NWD1: variants seen among roughly 807,000 people sequenced by gnomAD.
NWD1 encodes the protein NACHT and WD repeat domain containing 1, also known as NACHT domain- and WD repeat-containing protein 1.
NWD1 carries 129 observed loss-of-function variants against 135.1 expected under a neutral mutation model. The observed-to-expected ratio is 0.96, with a 90% CI of 0.83 to 1.11. The LOEUF is 1.11. Ranked by LOEUF, NWD1 falls within the 50% of genes least tolerant of loss-of-function variation. NWD1 has a pLI of 0.00. For synonymous variants in NWD1, 773 were observed against 786.0 expected, an observed-to-expected ratio of 0.98 and a Z score of 0.28; for missense variants, 1,740 against 1,851.3, an observed-to-expected ratio of 0.94 and a Z score of 1.10.
intron 15 of NWD1, among the ~76,000 whole-genome samples, chr19:16,795,210 C>G (rs1390922690): frequency 6.6e-6 from 1 of 152,204 alleles, no homozygotes; most frequent in Non-Finnish European, 1.5e-5. Flanking sequence ...CCCATGGCCA[C>G]TGCCACGACT....
rs1174901294 is a variant in NWD1, at chr19:16,817,358, T to C, written c.*2319T>C. ...GCTCACGCCTGTAATCCCAGCACTTTGGGAGGCTGAGGCGGGTGGATCACT... is the reference window on the plus strand; with the variant it reads ...GCTCACGCCTGTAATCCCAGCACTTCGGGAGGCTGAGGCGGGTGGATCACT... On this transcript the variant is annotated 3_prime_UTR_variant, in exon 19 of 19. Transcript: ENST00000524140. 6.6e-6 allele frequency: 1 copy of C among 151,930 alleles called. No individual in the cohort carries two copies. The allele number at this position is 151,930 out of a possible 1,614,324, so 9.4% of individuals were successfully genotyped here. A position where few individuals can be genotyped will look rare whatever the true frequency, so the allele number is the denominator to read the frequency against.
Position 16,773,145 on chromosome 19 carries a change from A to G in NWD1, c.2430A>G (p.Thr810=). ...LRGMERSLLY[T]ELLARLHFFA... is the part of the protein sequence containing the mutation. ...TTGCAGAGAGGAGCCTCCTGTACAC[A>G]GAACTGCTGGCCAGACTCCATTTCT... is the stretch of plus-strand genomic sequence containing the variant. The change falls in exon 11 of 19, where the codon ACA becomes ACG. Residue 810 remains threonine, a synonymous_variant. Transcript: ENST00000524140. 2.5e-6 allele frequency: 4 copies of G among 1,613,944 alleles called. No individual in the cohort carries two copies. Among genetic ancestry groups the G allele is most frequent in the Non-Finnish European group, 3.4e-6 (4 of 1,180,016 alleles).
chr19:16,743,571 C>T (rs1433695340), intron 4 of NWD1, among the ~76,000 whole-genome samples: 1 of 152,126 alleles, frequency 6.6e-6, no homozygotes, highest in African/African-American at 2.4e-5. Context: ...GGGCGGTCAA[C>T]TTCACCTCCA....
At chr19:16,776,933 C>A (rs1462483861) in intron 11 of NWD1, among the ~76,000 whole-genome samples, 1 of 110,822 alleles carries the variant, frequency 9.0e-6, no homozygotes, top group Non-Finnish European at 1.7e-5. Flanking sequence ...TAGAGTGAGA[C>A]CCTATCTGAA....
intron 2 of NWD1, among the ~76,000 whole-genome samples, chr19:16,728,602 T>C (rs1967421043): frequency 6.6e-6 from 1 of 151,130 alleles, no homozygotes. Flanking sequence ...TCCATGTATA[T>C]GTGCTCTCAT....
chr19:16,797,602 C>T (rs1970459118), intron 15 of NWD1, 130 bp from the exon 16 acceptor site: 3 of 782,490 alleles, frequency 3.8e-6, no homozygotes, highest in South Asian at 3.5e-5. Context: ...CCCGCCTTGG[C>T]GTCCCAAAGT....
rs747198769 is a variant in NWD1 at position 16,800,125 on chromosome 19, G to GGA, written c.3700_3701dup (p.Asp1234GlufsTer52). On this transcript the variant is annotated frameshift_variant, in exon 17 of 19. Transcript: ENST00000524140. LOFTEE classifies it high-confidence loss of function. The stretch of plus-strand genomic sequence containing the variant: ...GCTACGTCTACTTCCCCAAAATTGG[G>GGA]GACAAAAACAAAGTCACTATTTGGG... The GGA allele has an allele frequency of 1.9e-5, 30 of 1,613,372 alleles. No homozygotes were observed. The highest frequency in any genetic ancestry group is 5.5e-5 in the South Asian group (5 of 91,048).
At chr19:16,741,709 A>T (rs1599445520) in intron 4 of NWD1, among the ~76,000 whole-genome samples, 1 of 148,110 alleles carries the variant, frequency 6.8e-6, no homozygotes, top group Admixed American at 6.8e-5. Context: ...AATTTCCCTG[A>T]CTCCCCAGGC....
intron 6 of NWD1, among the ~76,000 whole-genome samples, chr19:16,750,920 C>A (rs1395231308): frequency 2.0e-5 from 3 of 152,146 alleles, no homozygotes; most frequent in Non-Finnish European, 4.4e-5. Flanking sequence ...AGTCTCGGAG[C>A]TATAAATTGC....
chr19:16,800,021 CTCAGCGATGCTCATAGG>C lies in NWD1; in HGVS notation c.3598_3614del (p.Ser1200ProfsTer52). The stretch of plus-strand genomic sequence containing the variant: ...GTCCTCATCTTTCAAGGTCTGGGAT[CTCAGCGATGCTCATAGG>C]TCCCGGGTGCCTGCACCATTTCTGG... On this transcript the variant is annotated frameshift_variant, in exon 17 of 19. Transcript: ENST00000524140. LOFTEE classifies it high-confidence loss of function. 6.2e-7 allele frequency: 1 copy of C among 1,614,236 alleles called. No individual in the cohort carries two copies. Among genetic ancestry groups the C allele is most frequent in the Non-Finnish European group, 8.5e-7 (1 of 1,180,038 alleles).
intron 1 of NWD1, chr19:16,721,622 G>A (rs1297312020): frequency 6.6e-6 from 1 of 150,614 alleles, no homozygotes; most frequent in Non-Finnish European, 1.5e-5. Context: ...ATCCAGGTGA[G>A]TTGTGGGAAG....
Position 16,767,982 on chromosome 19 carries a change from C to CTTTTTT in NWD1, c.2410+2810_2410+2815dup, listed in dbSNP as rs963453075. ...TGTAGCATATGTCAGAATTTCCTTC[C>CTTTTTT]TTTTTTTTTTTTTTTTTTTTTTTTT... On this transcript the variant is annotated intron_variant, in intron 10 of 18. Transcript: ENST00000524140. Among the ~76,000 whole-genome samples, 20 of 83,600 alleles carry CTTTTTT rather than the reference C, an allele frequency of 2.4e-4. 1 individual carries two copies. The highest frequency in any genetic ancestry group is 2.9e-4 in the Non-Finnish European group (13 of 45,090). 54.8% of individuals were successfully genotyped at this position (83,600 alleles called of 152,430 possible).
intron 4 of NWD1, among the ~76,000 whole-genome samples, chr19:16,740,397 A>T (rs1287341378): frequency 6.6e-6 from 1 of 151,958 alleles, no homozygotes; most frequent in East Asian, 1.9e-4. Context: ...GTGCAGTGGG[A>T]ACATGTTGGC....
intron 2 of NWD1, among the ~76,000 whole-genome samples, chr19:16,730,404 G>A (rs771768368): frequency 6.6e-5 from 10 of 151,794 alleles, no homozygotes; most frequent in Non-Finnish European, 1.5e-4. Flanking sequence ...TTAAGCATAA[G>A]GGGTACAATG....
chr19:16,785,902 T>C (rs1196077289), intron 12 of NWD1, among the ~76,000 whole-genome samples: 1 of 151,888 alleles, frequency 6.6e-6, no homozygotes, highest in Non-Finnish European at 1.5e-5. Context: ...TCCCACTCTG[T>C]CGCCCAGGCT....
rs1185037596 is a variant in NWD1 at position 16,732,715 on chromosome 19, A to G, written c.81+1437A>G. Among the ~76,000 whole-genome samples the G allele has an allele frequency of 2.7e-5, 4 of 149,164 alleles. 1 individual carries two copies. Among genetic ancestry groups the G allele is most frequent in the African/African-American group, 1.0e-4 (4 of 40,146 alleles). Reference sequence around the variant, plus strand: ...TGGTGTGATCTCACAGCTCACTGCAACCTTGAGCTTCTGGGCTCAAGGGAT... The same window carrying G: ...TGGTGTGATCTCACAGCTCACTGCAGCCTTGAGCTTCTGGGCTCAAGGGAT... On this transcript the variant is annotated intron_variant, in intron 3 of 18. Transcript: ENST00000524140.
At chr19:16,732,139 C>T (rs1967594766) in intron 3 of NWD1, among the ~76,000 whole-genome samples, 1 of 149,650 alleles carries the variant, frequency 6.7e-6, no homozygotes, top group Admixed American at 6.8e-5. Flanking sequence ...ATCGCCAGAA[C>T]TTGGGAAGCA....
In NWD1 at chr19:16,805,408, G is replaced by C. The variant is rs1377775573; in HGVS notation, c.3737-2178G>C. Among the ~76,000 whole-genome samples, 5 of 150,674 alleles carry C rather than the reference G, an allele frequency of 3.3e-5. No individual in the cohort carries two copies. In the East Asian group the frequency reaches 7.9e-4, roughly 24 times the overall value. ...AAGGTCTCTCTATCTTGCCCAGGGT[G>C]GTCTTGACCTCCTGGGCTCAAGCAA... is the stretch of plus-strand genomic sequence containing the variant. On this transcript the variant is annotated intron_variant, in intron 17 of 18. Coordinates refer to ENST00000524140, the MANE Select transcript of NWD1 (RefSeq NM_001007525.5).
At chr19:16,804,289 T>A (rs1406477660) in intron 17 of NWD1, among the ~76,000 whole-genome samples, 1 of 151,682 alleles carries the variant, frequency 6.6e-6, no homozygotes, top group Non-Finnish European at 1.5e-5. Context: ...TTAGAAAGAA[T>A]AGCAAATGGG....
Sources: allele counts gnomAD v4.1 joint callset (sites outside exome capture counted in the v4.1 genomes callset), GRCh38; gene constraint gnomAD v4.1.1; transcripts MANE v1.5; gene names NCBI Gene and HGNC (gene_info 2026-07-23, HGNC 2026-07-21).